The following CSMD1 variants were observed in gnomAD, a reference collection of about 807,000 sequenced individuals.
CSMD1 encodes CUB and sushi domain-containing protein 1.
A neutral mutation model predicts 417.5 loss-of-function variants in CSMD1; 213 were observed. The ratio of observed to expected loss-of-function variants is 0.51; its 90% CI spans 0.46 to 0.57. CSMD1 has a LOEUF of 0.57. Among genes scored for constraint, CSMD1 ranks in the 20% least tolerant of loss-of-function variants. The pLI is 0.00. For synonymous variants in CSMD1, 2,862 were observed against 1,736.8 expected (o/e 1.65, Z -16.11); for missense variants, 6,923 against 4,529.7 (o/e 1.53, Z -15.17).
At chr8:3,434,330 A>G (rs923868780) in intron 12 of CSMD1, among the ~76,000 whole-genome samples, 1 of 152,154 alleles carries the variant, frequency 6.6e-6, no homozygotes, top group Non-Finnish European at 1.5e-5. Flanking sequence ...AGATGTTCCT[A>G]TATGTAATAC....
At chr8:4,153,331 T>C (rs1204496881) in intron 3 of CSMD1, among the ~76,000 whole-genome samples, 2 of 152,204 alleles carry the variant, frequency 1.3e-5, no homozygotes, top group Non-Finnish European at 2.9e-5. Context: ...CATTGCCCCG[T>C]TTTGTGAACT....
rs529371182 is a variant in CSMD1, at chr8:4,003,415, C to A, written c.611-5305G>T. Among the ~76,000 whole-genome samples the A allele has an allele frequency of 7.2e-3, 969 of 134,066 alleles. 15 individuals carry two copies. Among genetic ancestry groups the A allele is most frequent in the African/African-American group, 0.025 (932 of 37,084 alleles). 88.0% of individuals were successfully genotyped at this position (134,066 alleles called of 152,430 possible). On this transcript the variant is annotated intron_variant, in intron 4 of 69. Transcript: ENST00000635120. ...CTCAATAAACAAACAAACAAAAAAA[C>A]AAACAAATAAATAAATAAATAAATA...
At chr8:4,405,649 T>C (rs2128931427) in intron 3 of CSMD1, among the ~76,000 whole-genome samples, 1 of 152,340 alleles carries the variant, frequency 6.6e-6, no homozygotes, top group East Asian at 1.9e-4. Context: ...GGCATTGCAT[T>C]ATCCTCGCAT....
chr8:4,278,630 G>A (rs1173321248), intron 3 of CSMD1, among the ~76,000 whole-genome samples: 2 of 152,104 alleles, frequency 1.3e-5, no homozygotes, highest in African/African-American at 2.4e-5. Flanking sequence ...TCAAATTTTA[G>A]CTACGAATTC....
At chr8:3,398,758 A>G (rs1229917355) in intron 16 of CSMD1, among the ~76,000 whole-genome samples, 1 of 152,220 alleles carries the variant, frequency 6.6e-6, no homozygotes, top group East Asian at 1.9e-4. Flanking sequence ...CAGTGTTGAG[A>G]GAAATGGGAA....
intron 2 of CSMD1, among the ~76,000 whole-genome samples, chr8:4,452,064 C>T (rs1281049262): frequency 6.6e-6 from 1 of 151,968 alleles, no homozygotes; most frequent in African/African-American, 2.4e-5. Context: ...AGATTAGGGG[C>T]CAGAATGATC....
chr8:3,107,394 C>G (rs1816215583), intron 45 of CSMD1, among the ~76,000 whole-genome samples: 1 of 152,128 alleles, frequency 6.6e-6, no homozygotes, highest in Non-Finnish European at 1.5e-5. Flanking sequence ...AAGCAAATAT[C>G]TGCCCAAGTC....
chr8:4,229,700 G>A (rs1165303984), intron 3 of CSMD1, among the ~76,000 whole-genome samples: 1 of 152,092 alleles, frequency 6.6e-6, no homozygotes, highest in Non-Finnish European at 1.5e-5. Flanking sequence ...TACAGCCTCA[G>A]CCCCTTCCTC....
chr8:3,220,700 G>A (rs764606083), intron 28 of CSMD1, among the ~76,000 whole-genome samples: 5 of 152,050 alleles, frequency 3.3e-5, no homozygotes, highest in African/African-American at 4.8e-5. Flanking sequence ...GCATGGTGTC[G>A]TGCACCTGTA....
intron 10 of CSMD1, among the ~76,000 whole-genome samples, chr8:3,540,300 G>T (rs1038549902): frequency 1.9e-4 from 29 of 152,162 alleles, no homozygotes; most frequent in African/African-American, 6.5e-4. Flanking sequence ...TTGAATAGGT[G>T]ATAACTCTTC....
In CSMD1 at chr8:3,210,100, C is replaced by G. The variant is rs1033750503; in HGVS notation, c.4867+4397G>C. ...CCAACTGCATCCCATGATGCAGGAA[C>G]TATCAAAAGATTTACAGTGGAGCAA... On this transcript the variant is annotated intron_variant, in intron 30 of 69. Coordinates refer to ENST00000635120, the MANE Select transcript of CSMD1 (RefSeq NM_033225.6). Among the ~76,000 whole-genome samples, 56 of 152,202 alleles carry G rather than the reference C, an allele frequency of 3.7e-4. 2 individuals carry two copies. Among genetic ancestry groups the G allele is most frequent in the African/African-American group, 1.4e-3 (56 of 41,458 alleles).
intron 1 of CSMD1, among the ~76,000 whole-genome samples, chr8:4,971,994 T>C (rs1403218932): frequency 6.6e-6 from 1 of 152,066 alleles, no homozygotes; most frequent in Non-Finnish European, 1.5e-5. Flanking sequence ...AACATTTATC[T>C]TCAAAGCAGC....
At chr8:4,045,862 AT>A (rs553388604) in intron 3 of CSMD1, among the ~76,000 whole-genome samples, 234 of 149,744 alleles carry the variant, frequency 1.6e-3, no homozygotes, top group Non-Finnish European at 2.4e-3. Flanking sequence ...GCACTGCATT[AT>A]TTTTTTTTTA....
intron 51 of CSMD1, among the ~76,000 whole-genome samples, chr8:3,018,947 T>C (rs1809115316): frequency 6.6e-6 from 1 of 152,164 alleles, no homozygotes; most frequent in Admixed American, 6.5e-5. Context: ...GCATGGAGTC[T>C]TACTCTGTTG....
intron 1 of CSMD1, among the ~76,000 whole-genome samples, chr8:4,667,946 A>G (rs1805042762): frequency 6.6e-6 from 1 of 152,234 alleles, no homozygotes. Context: ...CGTCTTTGAA[A>G]CAATTCTTTT....
intron 2 of CSMD1, among the ~76,000 whole-genome samples, chr8:4,478,519 A>C (rs946100780): frequency 2.6e-5 from 4 of 152,236 alleles, no homozygotes; most frequent in African/African-American, 9.6e-5. Context: ...TGTATAAATC[A>C]AAGAAAATTT....
intron 26 of CSMD1, among the ~76,000 whole-genome samples, chr8:3,273,143 G>C (rs1344052339): frequency 1.3e-5 from 2 of 151,486 alleles, no homozygotes; most frequent in African/African-American, 2.4e-5. Context: ...TAGTATGAAA[G>C]GTTGTTGAAT....
intron 1 of CSMD1, among the ~76,000 whole-genome samples, chr8:4,840,693 G>C (rs1409491105): frequency 6.6e-6 from 1 of 152,174 alleles, no homozygotes; most frequent in Non-Finnish European, 1.5e-5. Context: ...CTCAGTGCCT[G>C]CAAGAGACAA....
At chr8:3,247,117 C>T (rs994552787) in intron 26 of CSMD1, among the ~76,000 whole-genome samples, 1 of 152,146 alleles carries the variant, frequency 6.6e-6, no homozygotes, top group African/African-American at 2.4e-5. Flanking sequence ...GGTGAGGTGT[C>T]AGGTGTGATG....
Sources: allele counts gnomAD v4.1 joint callset (sites outside exome capture counted in the v4.1 genomes callset), GRCh38; gene constraint gnomAD v4.1.1; transcripts MANE v1.5; gene names NCBI Gene and HGNC (gene_info 2026-07-23, HGNC 2026-07-21).